The following DCDC1 variants were observed in gnomAD, a reference collection of about 807,000 sequenced individuals.
The protein encoded by DCDC1 is doublecortin domain containing 1.
In DCDC1, 200 loss-of-function variants were observed where a neutral mutation model predicts 178.3. The ratio of observed to expected loss-of-function variants is 1.12; its 90% CI spans 1.00 to 1.26. DCDC1 has a LOEUF of 1.26. Among genes scored for constraint, DCDC1 ranks in the 50% most tolerant of loss-of-function variants. DCDC1 has a pLI of 0.00. For synonymous variants in DCDC1, 690 were observed against 604.8 expected, an observed-to-expected ratio of 1.14 and a Z score of -2.07; for missense variants, 1,983 against 1,749.2, an observed-to-expected ratio of 1.13 and a Z score of -2.38.
chr11:31,147,707 G>C (rs1048588040), intron 9 of DCDC1, among the ~76,000 whole-genome samples: 10 of 152,164 alleles, frequency 6.6e-5, no homozygotes, highest in Admixed American at 6.5e-4. Context: ...ATCTATTAGG[G>C]CTGATGGGTT....
intron 8 of DCDC1, among the ~76,000 whole-genome samples, chr11:31,246,137 T>C (rs999626234): frequency 1.1e-4 from 17 of 152,154 alleles, no homozygotes; most frequent in African/African-American, 3.9e-4. Flanking sequence ...AAGATCAGGA[T>C]TTTTTGTTAA....
chr11:31,136,532 G>A lies in DCDC1; in HGVS notation c.1314+1160C>T, dbSNP rs530322601. Among the ~76,000 whole-genome samples the A allele has an allele frequency of 5.3e-5, 8 of 152,162 alleles. No homozygotes were observed. The East Asian group carries it at 1.5e-3, about 29-fold the overall frequency. On this transcript the variant is annotated intron_variant, in intron 10 of 38. Transcript: ENST00000684477. ...TATTACAAAACACATGGTTAGTAAGGAAGATGAAATCATAATAAGAAATAC... is the reference window on the plus strand; with the variant it reads ...TATTACAAAACACATGGTTAGTAAGAAAGATGAAATCATAATAAGAAATAC...
intron 38 of DCDC1, among the ~76,000 whole-genome samples, chr11:30,872,117 A>G (rs1244798278): frequency 1.3e-5 from 2 of 152,166 alleles, no homozygotes; most frequent in African/African-American, 2.4e-5. Flanking sequence ...AGGCCCATGC[A>G]TGCCCCTTCA....
Position 31,367,132 on chromosome 11 carries a change from C to CA in DCDC1, c.-125+2564dup, listed in dbSNP as rs570903198. Among the ~76,000 whole-genome samples the CA allele has an allele frequency of 9.3e-5, 14 of 150,762 alleles. No homozygotes were observed. The South Asian group carries it at 1.5e-3, about 16-fold the overall frequency. ...CCAACATGGTGAAACTCCATCTCTA[C>CA]AAAAAAAAATACAAACATTAGCCAG... On this transcript the variant is annotated intron_variant, in intron 1 of 38. Transcript: ENST00000684477.
chr11:31,316,123 A>G (rs1194930842), intron 3 of DCDC1, among the ~76,000 whole-genome samples: 46 of 89,758 alleles, frequency 5.1e-4, no homozygotes, highest in Admixed American at 3.3e-3. Context: ...ATACGTGTGC[A>G]TGTGTCTTTA....
intron 38 of DCDC1, among the ~76,000 whole-genome samples, chr11:30,873,392 A>C (rs1386270752): frequency 1.4e-5 from 2 of 143,300 alleles, no homozygotes; most frequent in East Asian, 4.0e-4. Flanking sequence ...GAGAGAACAA[A>C]CTGGTATATA....
intron 36 of DCDC1, among the ~76,000 whole-genome samples, chr11:30,890,133 A>G (rs574585436): frequency 2.6e-5 from 4 of 152,198 alleles, no homozygotes; most frequent in Non-Finnish European, 5.9e-5. Flanking sequence ...TGGCACCTTG[A>G]TCTTGGACAT....
intron 20 of DCDC1, among the ~76,000 whole-genome samples, chr11:31,050,117 G>A (rs1457623284): frequency 6.6e-6 from 1 of 152,150 alleles, no homozygotes; most frequent in African/African-American, 2.4e-5. Flanking sequence ...AAATTTTCAA[G>A]TCCATCTCGC....
chr11:31,081,551 G>A (rs866441690), intron 17 of DCDC1, among the ~76,000 whole-genome samples: 6 of 151,952 alleles, frequency 3.9e-5, no homozygotes, highest in South Asian at 2.1e-4. Flanking sequence ...CGGAGGTTGC[G>A]GTGAGCCAAG....
intron 6 of DCDC1, among the ~76,000 whole-genome samples, chr11:31,292,537 C>T (rs1947307336): frequency 6.6e-6 from 1 of 152,022 alleles, no homozygotes; most frequent in Admixed American, 6.6e-5. Flanking sequence ...TTGTATGATT[C>T]CATTTACATG....
chr11:31,246,892 C>T (rs1360333890), intron 8 of DCDC1, among the ~76,000 whole-genome samples: 3 of 152,016 alleles, frequency 2.0e-5, no homozygotes, highest in Non-Finnish European at 2.9e-5. Flanking sequence ...ATACCAATGC[C>T]TACCCAAATT....
chr11:31,014,263 TTCTC>T (rs1195169805), intron 20 of DCDC1, among the ~76,000 whole-genome samples: 1 of 151,788 alleles, frequency 6.6e-6, no homozygotes, highest in Non-Finnish European at 1.5e-5. Context: ...CTTTGTTTCT[TTCTC>T]TCTTTTTCAT....
intron 1 of DCDC1, among the ~76,000 whole-genome samples, chr11:31,353,182 C>T (rs1951161978): frequency 6.6e-6 from 1 of 152,202 alleles, no homozygotes; most frequent in Non-Finnish European, 1.5e-5. Context: ...ACAATTTTCA[C>T]AATCTCGGCA....
At chr11:30,978,788 AC>A (rs1950233843) in intron 20 of DCDC1, among the ~76,000 whole-genome samples, 1 of 46,044 alleles carries the variant, frequency 2.2e-5, no homozygotes, top group South Asian at 8.1e-4. Context: ...CAACACACAC[AC>A]ACACACACAC....
chr11:31,062,811 TA>T (rs2135474736), intron 20 of DCDC1, among the ~76,000 whole-genome samples: 1 of 152,056 alleles, frequency 6.6e-6, no homozygotes, highest in South Asian at 2.1e-4. Flanking sequence ...TTATTATTAT[TA>T]TACTTTAAGT....
intron 9 of DCDC1, among the ~76,000 whole-genome samples, chr11:31,177,684 C>T (rs169624): frequency 0.7 from 106,248 of 151,900 alleles, 38,253 homozygotes; most frequent in East Asian, 0.96. Flanking sequence ...TGGCACATAA[C>T]ATTCCATGAA....
intron 20 of DCDC1, among the ~76,000 whole-genome samples, chr11:31,043,531 G>A (rs2135365606): frequency 6.6e-6 from 1 of 151,936 alleles, no homozygotes; most frequent in East Asian, 1.9e-4. Flanking sequence ...GCTTAAATCA[G>A]TTTGCACCAG....
chr11:30,903,652 A>T lies in DCDC1; in HGVS notation c.4340T>A (p.Leu1447His). 4.3e-6 allele frequency: 7 copies of T among 1,609,422 alleles called. No individual in the cohort carries two copies. The highest frequency in any genetic ancestry group is 5.9e-6 in the Non-Finnish European group (7 of 1,177,720). The change falls in exon 32 of 39, where the codon CTT (leucine) becomes CAT (histidine). Residue 1447 changes from leucine to histidine, a missense_variant. Coordinates refer to ENST00000684477, the MANE Select transcript of DCDC1 (RefSeq NM_001387274.1). ...ATATACTTTGGAGGCTGCTCTGGCA[A>T]GCCCAAGTTGTTCCGTGCATTCTGT... ...LLTECTEQLG[L>H]ARAASKVYTK...
At chr11:31,293,778 C>G (rs915488284) in intron 6 of DCDC1, among the ~76,000 whole-genome samples, 9 of 152,156 alleles carry the variant, frequency 5.9e-5, no homozygotes, top group Admixed American at 1.3e-4. Flanking sequence ...CATTAACTTG[C>G]CCAAGATCAT....
Sources: gnomAD v4.1 joint callset for allele counts (sites outside exome capture counted in the v4.1 genomes callset) on GRCh38, gnomAD v4.1.1 for gene constraint, MANE v1.5 for transcripts, NCBI Gene and HGNC (gene_info 2026-07-23, HGNC 2026-07-21) for gene names.